The following DPP10 variants were observed in gnomAD, a reference collection of about 807,000 sequenced individuals.
DPP10 encodes dipeptidyl peptidase like 10, also known as inactive dipeptidyl peptidase 10.
DPP10 carries 33 observed loss-of-function variants against 120.9 expected under a neutral mutation model. That is an observed-to-expected ratio of 0.27 (90% CI 0.21 to 0.37). DPP10 has a LOEUF of 0.37. Ranked by LOEUF, DPP10 falls within the 10% of genes least tolerant of loss-of-function variation. The pLI is 1.00. For missense variants in DPP10, 816 were observed against 942.8 expected, an observed-to-expected ratio of 0.87 and a Z score of 1.76; for synonymous variants, 337 against 326.1, an observed-to-expected ratio of 1.03 and a Z score of -0.36.
intron 8 of DPP10, among the ~76,000 whole-genome samples, chr2:115,732,873 G>T (rs979182757): frequency 1.3e-5 from 2 of 152,120 alleles, no homozygotes; most frequent in Non-Finnish European, 2.9e-5. Flanking sequence ...TTATCTAAGA[G>T]CAATACGATG....
intron 1 of DPP10, among the ~76,000 whole-genome samples, chr2:115,002,143 A>T (rs533889861): frequency 1.3e-5 from 2 of 152,338 alleles, no homozygotes; most frequent in Admixed American, 1.3e-4. Flanking sequence ...CTACAATGGT[A>T]TAGTAATCAA....
chr2:114,703,771 T>C lies in DPP10; in HGVS notation c.60+260933T>C, dbSNP rs1700523280. ...TTCCATAAAATAGAAATGTTGAAAC[T>C]AGAAGAGCTGCTGGGTTAATAGGAG... On this transcript the variant is annotated intron_variant, in intron 1 of 25. Transcript: ENST00000410059. Among the ~76,000 whole-genome samples, 3 of 152,168 alleles carry C rather than the reference T, an allele frequency of 2.0e-5. No individual in the cohort carries two copies. The South Asian group carries it at 6.2e-4, about 31-fold the overall frequency.
intron 1 of DPP10, among the ~76,000 whole-genome samples, chr2:115,135,130 A>G (rs186569259): frequency 7.8e-4 from 118 of 152,096 alleles, no homozygotes; most frequent in African/African-American, 2.7e-3. Context: ...GCAGCATGCT[A>G]GATGTTGGAG....
chr2:114,999,283 G>A (rs1226196113), intron 1 of DPP10, among the ~76,000 whole-genome samples: 1 of 152,122 alleles, frequency 6.6e-6, no homozygotes, highest in East Asian at 1.9e-4. Context: ...TAGGCAAAGA[G>A]AGAGGTTTCA....
At chr2:115,479,302 C>G (rs1290953889) in intron 3 of DPP10, among the ~76,000 whole-genome samples, 3 of 152,032 alleles carry the variant, frequency 2.0e-5, no homozygotes, top group Non-Finnish European at 4.4e-5. Flanking sequence ...GGGAAATAAG[C>G]TAGTGGCAAG....
At chr2:115,577,964 A>G (rs2081780542) in intron 5 of DPP10, among the ~76,000 whole-genome samples, 1 of 152,194 alleles carries the variant, frequency 6.6e-6, no homozygotes, top group Non-Finnish European at 1.5e-5. Flanking sequence ...AGCTCATAAC[A>G]TTATTACAAT....
chr2:114,445,835 C>A (rs983294440), intron 1 of DPP10, among the ~76,000 whole-genome samples: 2 of 151,986 alleles, frequency 1.3e-5, no homozygotes, highest in Non-Finnish European at 2.9e-5. Context: ...ATGTTCCTAT[C>A]GTCAAAACCA....
intron 1 of DPP10, among the ~76,000 whole-genome samples, chr2:114,769,354 A>G (rs1359761239): frequency 1.3e-5 from 2 of 151,974 alleles, no homozygotes; most frequent in Non-Finnish European, 1.5e-5. Flanking sequence ...ATGCTCTCCC[A>G]CTCTTCCCCC....
Position 115,223,646 on chromosome 2 carries a change from C to T in DPP10, c.61-85593C>T, listed in dbSNP as rs532859897. On this transcript the variant is annotated intron_variant, in intron 1 of 25. Coordinates refer to ENST00000410059, the MANE Select transcript of DPP10 (RefSeq NM_020868.6). ...TGAAATAAACAACAACAAAAAGGAA[C>T]GAGTAAACGAAAATGCAGTCCAGCA... Among the ~76,000 whole-genome samples, 24 of 151,856 alleles carry T rather than the reference C, an allele frequency of 1.6e-4. No homozygotes were observed. The South Asian group carries it at 2.1e-3, about 13-fold the overall frequency.
intron 1 of DPP10, among the ~76,000 whole-genome samples, chr2:115,107,422 CTTTTTTTTTTT>C (rs59046305): frequency 8.4e-5 from 5 of 59,852 alleles, no homozygotes; most frequent in Admixed American, 2.8e-4. Flanking sequence ...TTGGTTATAG[CTTTTTTTTTTT>C]TTTTTTTTTT....
chr2:114,538,240 T>C (rs1005129297), intron 1 of DPP10, among the ~76,000 whole-genome samples: 17 of 152,228 alleles, frequency 1.1e-4, no homozygotes, highest in Admixed American at 1.0e-3. Flanking sequence ...CCAAGGGATG[T>C]GTTTGCTCTG....
rs1237590391 is a variant in DPP10, at chr2:114,556,230, G to GATAA, written c.60+113395_60+113396insAATA. Among the ~76,000 whole-genome samples, 9 of 27,896 alleles carry GATAA rather than the reference G, an allele frequency of 3.2e-4. No homozygotes were observed. The East Asian group carries it at 6.3e-3, about 19-fold the overall frequency. 18.3% of individuals were successfully genotyped at this position (27,896 alleles called of 152,430 possible). On this transcript the variant is annotated intron_variant, in intron 1 of 25. Coordinates refer to ENST00000410059, the MANE Select transcript of DPP10 (RefSeq NM_020868.6). ...GCAGGAGAAACAGTGATACATAGAT[G>GATAA]ATACATATATATATATATATATATA...
chr2:114,631,266 G>C (rs1005711180), intron 1 of DPP10, among the ~76,000 whole-genome samples: 1 of 152,024 alleles, frequency 6.6e-6, no homozygotes, highest in Non-Finnish European at 1.5e-5. Flanking sequence ...GTAAGATGCT[G>C]GAGTTTCCGA....
chr2:114,834,172 A>G (rs1324427241), intron 1 of DPP10: 2 of 139,434 alleles, frequency 1.4e-5, no homozygotes, highest in African/African-American at 2.5e-5. Flanking sequence ...TATATAAGCC[A>G]TATCTACACA....
chr2:115,300,910 C>G (rs2061097320), intron 1 of DPP10, among the ~76,000 whole-genome samples: 1 of 151,884 alleles, frequency 6.6e-6, no homozygotes, highest in African/African-American at 2.4e-5. Context: ...GCCTTGTGAT[C>G]TTTTGTTGAA....
chr2:114,886,402 A>G (rs962314239), intron 1 of DPP10, among the ~76,000 whole-genome samples: 1 of 152,148 alleles, frequency 6.6e-6, no homozygotes, highest in Non-Finnish European at 1.5e-5. Flanking sequence ...TTTGAATCTC[A>G]TGTTGCCATT....
intron 3 of DPP10, among the ~76,000 whole-genome samples, chr2:115,458,632 G>A (rs1425662334): frequency 6.6e-6 from 1 of 151,814 alleles, no homozygotes; most frequent in Non-Finnish European, 1.5e-5. Context: ...ATGAGTTTGT[G>A]GATATATATA....
intron 5 of DPP10, among the ~76,000 whole-genome samples, chr2:115,552,216 C>G (rs1312216355): frequency 3.3e-5 from 5 of 152,086 alleles, no homozygotes. Flanking sequence ...TCATTTAAAA[C>G]AATCATAATT....
intron 21 of DPP10, among the ~76,000 whole-genome samples, chr2:115,829,421 A>G (rs1185878520): frequency 1.3e-5 from 2 of 152,098 alleles, no homozygotes; most frequent in Non-Finnish European, 2.9e-5. Context: ...AACATGCTTC[A>G]TTATAACTCA....
Sources: gnomAD v4.1 joint callset for allele counts (sites outside exome capture counted in the v4.1 genomes callset) on GRCh38, gnomAD v4.1.1 for gene constraint, MANE v1.5 for transcripts, NCBI Gene and HGNC (gene_info 2026-07-23, HGNC 2026-07-21) for gene names.